The following CHODL variants were observed in gnomAD, a reference collection of about 807,000 sequenced individuals.
CHODL encodes the protein transmembrane protein MT75.
CHODL carries 29 observed loss-of-function variants against 34.5 expected under a neutral mutation model. That is an observed-to-expected ratio of 0.84 (90% CI 0.63 to 1.15). CHODL has a LOEUF of 1.15. Among genes scored for constraint, CHODL ranks in the 50% most tolerant of loss-of-function variants. CHODL has a pLI of 0.00. For synonymous variants in CHODL, 125 were observed against 116.1 expected, an observed-to-expected ratio of 1.08 and a Z score of -0.49; for missense variants, 332 against 332.5, an observed-to-expected ratio of 1.00 and a Z score of 0.01.
rs181682653 is a variant in CHODL at position 18,195,716 on chromosome 21, T to C, written c.-44-60793T>C. Among the ~76,000 whole-genome samples the C allele has an allele frequency of 3.9e-4, 59 of 152,356 alleles. 1 individual carries two copies. The East Asian group carries it at 7.1e-3, about 18-fold the overall frequency. ...TCTGATTTATGTATAATTTATTTAC[T>C]TGTTTTGGGTTTCTTCCCAATAGAA... On this transcript the variant is annotated intron_variant, in intron 2 of 6. Coordinates refer to the CHODL transcript ENST00000400127.
chr21:17,951,189 T>G (rs2063454836), intron 1 of CHODL, among the ~76,000 whole-genome samples: 1 of 151,672 alleles, frequency 6.6e-6, no homozygotes, highest in Non-Finnish European at 1.5e-5. Context: ...TGGTGGGGCC[T>G]TAGAATTTAA....
intron 2 of CHODL, among the ~76,000 whole-genome samples, chr21:18,137,063 G>A (rs1601054291): frequency 1.3e-5 from 2 of 152,104 alleles, no homozygotes; most frequent in Admixed American, 1.3e-4. Context: ...GATATTTTGG[G>A]CATCCTGAGT....
chr21:18,144,461 G>A (rs2072841587), intron 2 of CHODL, among the ~76,000 whole-genome samples: 1 of 151,982 alleles, frequency 6.6e-6, no homozygotes, highest in African/African-American at 2.4e-5. Context: ...ATGAAAGTTG[G>A]TTCACTTTCA....
chr21:18,009,762 C>T (rs1420267147), intron 1 of CHODL, among the ~76,000 whole-genome samples: 2 of 151,308 alleles, frequency 1.3e-5, no homozygotes, highest in Admixed American at 1.3e-4. Context: ...GTGGTAGGTG[C>T]CTGTAGTCCC....
chr21:18,212,525 C>A (rs894614219), intron 2 of CHODL, among the ~76,000 whole-genome samples: 10 of 151,654 alleles, frequency 6.6e-5, no homozygotes, highest in African/African-American at 2.4e-4. Flanking sequence ...TTTCATGAGG[C>A]TTTGGGTGTT....
At chr21:17,957,194 T>G (rs1293121155) in intron 1 of CHODL, among the ~76,000 whole-genome samples, 1 of 152,224 alleles carries the variant, frequency 6.6e-6, no homozygotes, top group Non-Finnish European at 1.5e-5. Flanking sequence ...CTTAGATATC[T>G]CTGGAGTCTA....
At chr21:18,146,455 C>T (rs2072890598) in intron 2 of CHODL, among the ~76,000 whole-genome samples, 1 of 152,096 alleles carries the variant, frequency 6.6e-6, no homozygotes, top group Admixed American at 6.5e-5. Flanking sequence ...ATGCTGTTCT[C>T]ATGAGAATGA....
intron 1 of CHODL, among the ~76,000 whole-genome samples, chr21:18,009,869 CAG>C (rs2063996590): frequency 7.9e-6 from 1 of 127,030 alleles, no homozygotes; most frequent in South Asian, 2.5e-4. Context: ...GCCTGGGCGA[CAG>C]AGCCAGACTC....
chr21:18,137,787 C>T (rs2072751801), intron 2 of CHODL, among the ~76,000 whole-genome samples: 1 of 152,058 alleles, frequency 6.6e-6, no homozygotes, highest in South Asian at 2.1e-4. Context: ...GAGGTGCTGC[C>T]CTTACTGTGA....
At chr21:17,944,445 C>CACTTATCTAAGCCAAA (rs1347130434) in intron 1 of CHODL, among the ~76,000 whole-genome samples, 3 of 152,162 alleles carry the variant, frequency 2.0e-5, no homozygotes, top group Non-Finnish European at 2.9e-5. Flanking sequence ...GTCAAACAGC[C>CACTTATCTAAGCCAAA]ACTTATCTAA....
intron 1 of CHODL, among the ~76,000 whole-genome samples, chr21:17,922,554 A>G (rs1278695156): frequency 2.6e-5 from 4 of 152,226 alleles, no homozygotes; most frequent in African/African-American, 9.6e-5. Context: ...TAGCACACTT[A>G]TCTATGAAGT....
intron 2 of CHODL, among the ~76,000 whole-genome samples, chr21:18,195,303 C>G (rs1200967942): frequency 6.6e-6 from 1 of 152,168 alleles, no homozygotes; most frequent in Non-Finnish European, 1.5e-5. Flanking sequence ...ATCTGCCTGC[C>G]TCGGCCTCCC....
At chr21:18,114,602 T>G (rs2065390571) in intron 2 of CHODL, among the ~76,000 whole-genome samples, 1 of 152,114 alleles carries the variant, frequency 6.6e-6, no homozygotes, top group African/African-American at 2.4e-5. Context: ...CCTGGCTAAT[T>G]TTTTTGTATT....
intron 2 of CHODL, among the ~76,000 whole-genome samples, chr21:18,211,168 A>ACACT (rs756032552): frequency 2.8e-4 from 37 of 133,862 alleles, no homozygotes; most frequent in East Asian, 7.3e-4. Context: ...ACACACACAC[A>ACACT]CTCACACTCA....
chr21:18,021,703 T>A (rs1405087660), intron 1 of CHODL, among the ~76,000 whole-genome samples: 1 of 152,206 alleles, frequency 6.6e-6, no homozygotes, highest in African/African-American at 2.4e-5. Flanking sequence ...TAAAAATGTT[T>A]AGATGTTGTA....
intron 2 of CHODL, among the ~76,000 whole-genome samples, chr21:18,068,861 C>T (rs1238114443): frequency 6.6e-6 from 1 of 150,956 alleles, no homozygotes; most frequent in Non-Finnish European, 1.5e-5. Flanking sequence ...TTACTTTATT[C>T]GCAAGTTAAT....
intron 2 of CHODL, among the ~76,000 whole-genome samples, chr21:18,051,689 C>T (rs1348465980): frequency 6.6e-6 from 1 of 151,762 alleles, no homozygotes; most frequent in Non-Finnish European, 1.5e-5. Flanking sequence ...TGTTTGGTTC[C>T]TCTGGCTTTA....
At chr21:18,016,016 A>T (rs1194854726) in intron 1 of CHODL, among the ~76,000 whole-genome samples, 1 of 152,202 alleles carries the variant, frequency 6.6e-6, no homozygotes, top group African/African-American at 2.4e-5. Context: ...TTGCAGCCTG[A>T]CTATGGTAGG....
chr21:18,098,318 G>T (rs80100700), intron 2 of CHODL, among the ~76,000 whole-genome samples: 2,208 of 151,738 alleles, frequency 0.015, 47 homozygotes, highest in African/African-American at 0.049. Context: ...CATATGATAA[G>T]GAATTAATAA....
Sources: gnomAD v4.1 joint callset for allele counts (sites outside exome capture counted in the v4.1 genomes callset) on GRCh38, gnomAD v4.1.1 for gene constraint, MANE v1.5 for transcripts, NCBI Gene and HGNC (gene_info 2026-07-23, HGNC 2026-07-21) for gene names.